The following VPS35L variants were observed in gnomAD, a reference collection of about 807,000 sequenced individuals.
VPS35L encodes VPS35 endosomal protein-sorting factor-like.
VPS35L carries 83 observed loss-of-function variants against 133.0 expected under a neutral mutation model. That is an observed-to-expected ratio of 0.62 (90% CI 0.52 to 0.75). The LOEUF (loss-of-function observed/expected upper bound fraction) is 0.75, where lower values mean the gene tolerates loss of function less well. VPS35L is among the 30% of genes least tolerant of loss of function. VPS35L has a pLI of 0.00. For missense variants in VPS35L, 1,083 were observed against 1,206.8 expected (o/e 0.90, Z 1.52); for synonymous variants, 423 against 449.9 (o/e 0.94, Z 0.76).
chr16:19,624,775 G>A (rs368712788), intron 14 of VPS35L, among the ~76,000 whole-genome samples: 1 of 152,090 alleles, frequency 6.6e-6, no homozygotes, highest in Admixed American at 6.5e-5. Flanking sequence ...CCACTTATTA[G>A]GAAGTGTCTT....
At chr16:19,667,870 AC>A (rs775329160) in intron 26 of VPS35L, among the ~76,000 whole-genome samples, 2 of 151,852 alleles carry the variant, frequency 1.3e-5, no homozygotes, top group African/African-American at 2.4e-5. Flanking sequence ...CCATGACAGT[AC>A]CCTGTTCACA....
intron 14 of VPS35L, among the ~76,000 whole-genome samples, chr16:19,620,020 A>G (rs909125049): frequency 1.3e-5 from 2 of 152,204 alleles, no homozygotes; most frequent in African/African-American, 4.8e-5. Context: ...AGAGAGGGAA[A>G]GGAGAAATAC....
Position 19,700,428 on chromosome 16 carries a change from T to G in VPS35L, c.2844T>G (p.Thr948=). Residue 948 remains threonine (T), a synonymous_variant, in exon 31 of 31, where the codon ACT becomes ACG. Coordinates refer to ENST00000417362, the MANE Select transcript of VPS35L (RefSeq NM_020314.7). ...AGCAAAGCAAACAACCAGACATGAC[T>G]CATCTGACGGAGCTGGCCCTCAGAC... The part of the protein sequence containing the change: ...IKKQSKQPDM[T]HLTELALRLP... The G allele has an allele frequency of 1.2e-6, 2 of 1,614,160 alleles. No individual in the cohort carries two copies. Among genetic ancestry groups the G allele is most frequent in the Non-Finnish European group, 1.7e-6 (2 of 1,180,024 alleles).
At chr16:19,557,910 G>A (rs1970912332) in intron 1 of VPS35L, among the ~76,000 whole-genome samples, 1 of 151,982 alleles carries the variant, frequency 6.6e-6, no homozygotes, top group South Asian at 2.1e-4. Flanking sequence ...AAGTAGCCAG[G>A]CATGACGGCA....
At chr16:19,568,374 A>G (rs1355458926) in intron 2 of VPS35L, among the ~76,000 whole-genome samples, 1 of 147,980 alleles carries the variant, frequency 6.8e-6, no homozygotes, top group Non-Finnish European at 1.5e-5. Flanking sequence ...TTCTCAGCTC[A>G]CTGCAACCTC....
chr16:19,693,933 AG>A (rs1292069676), intron 29 of VPS35L: 1 of 148,084 alleles, frequency 6.8e-6, no homozygotes, highest in Non-Finnish European at 1.5e-5. Context: ...TAGGCAACAG[AG>A]CAAGACCCTG....
Position 19,700,556 on chromosome 16 carries a change from C to T in VPS35L, c.*80C>T, listed in dbSNP as rs1437264671. On this transcript the variant is annotated 3_prime_UTR_variant, in exon 31 of 31. Coordinates refer to ENST00000417362, the MANE Select transcript of VPS35L (RefSeq NM_020314.7). ...GCTCTGCTGCCCTGAACTCTTACGG[C>T]AATTTAGGTTTCTCATTTTTCTTTT... 1.7e-6 allele frequency: 2 copies of T among 1,186,524 alleles called. No individual in the cohort carries two copies. The highest frequency in any genetic ancestry group is 2.5e-6 in the Non-Finnish European group (2 of 813,434). The allele number at this position is 1,186,524 out of a possible 1,614,324, so 73.5% of individuals were successfully genotyped here.
intron 12 of VPS35L, among the ~76,000 whole-genome samples, chr16:19,615,636 C>T (rs1188647428): frequency 6.7e-6 from 1 of 148,648 alleles, no homozygotes; most frequent in Non-Finnish European, 1.5e-5. Flanking sequence ...GGCAACAGAG[C>T]GAGACTCTGT....
intron 27 of VPS35L, among the ~76,000 whole-genome samples, chr16:19,673,560 T>G (rs1239965165): frequency 1.0e-5 from 1 of 95,274 alleles, no homozygotes; most frequent in Non-Finnish European, 2.8e-5. Flanking sequence ...ATTTATTCCT[T>G]GAACAGATTT....
intron 8 of VPS35L, among the ~76,000 whole-genome samples, chr16:19,594,627 G>A (rs1047711032): frequency 3.7e-5 from 4 of 107,004 alleles, no homozygotes; most frequent in Non-Finnish European, 6.8e-5. Flanking sequence ...CTGTGCCACA[G>A]AGCTGAGATT....
chr16:19,576,842 G>A (rs1795957823), intron 5 of VPS35L, among the ~76,000 whole-genome samples: 2 of 151,966 alleles, frequency 1.3e-5, no homozygotes, highest in African/African-American at 2.4e-5. Flanking sequence ...GAGTTACTGG[G>A]ACTATAGGTG....
At chr16:19,588,159 G>A (rs960196149) in intron 7 of VPS35L, among the ~76,000 whole-genome samples, 3 of 50,088 alleles carry the variant, frequency 6.0e-5, no homozygotes, top group Non-Finnish European at 1.0e-4. Context: ...GGTAATATAA[G>A]TATGTATGTA....
chr16:19,624,309 G>A (rs1029044722), intron 14 of VPS35L, among the ~76,000 whole-genome samples: 1 of 151,554 alleles, frequency 6.6e-6, no homozygotes, highest in African/African-American at 2.4e-5. Flanking sequence ...ATGACTGGGC[G>A]CGGTGGCTCA....
intron 8 of VPS35L, among the ~76,000 whole-genome samples, chr16:19,597,289 T>C (rs372005348): frequency 5.9e-4 from 90 of 151,916 alleles, no homozygotes; most frequent in Middle Eastern, 6.8e-3. Context: ...GCAGATTCCT[T>C]GAGCCCAAGA....
chr16:19,645,453 C>G (rs1403015910), intron 23 of VPS35L, among the ~76,000 whole-genome samples: 1 of 152,072 alleles, frequency 6.6e-6, no homozygotes, highest in African/African-American at 2.4e-5. Flanking sequence ...CCACGCCCGG[C>G]TAATTTTTTG....
chr16:19,565,518 A>AT lies in VPS35L; in HGVS notation c.117+576dup, dbSNP rs546384881. ...CCATCACGCTTGGCTAATTTTTGCT[A>AT]TTTTTTTTATTTTTAGTAGAGACAG... On this transcript the variant is annotated intron_variant, in intron 2 of 30. Coordinates refer to ENST00000417362, the MANE Select transcript of VPS35L (RefSeq NM_020314.7). Among the ~76,000 whole-genome samples, 882 of 149,936 alleles carry AT rather than the reference A, an allele frequency of 5.9e-3. 16 individuals carry two copies. The highest frequency in any genetic ancestry group is 0.021 in the African/African-American group (842 of 40,700).
At chr16:19,628,532 C>T in intron 16 of VPS35L, 105 bp from the exon 17 acceptor site, 1 of 593,544 alleles carries the variant, frequency 1.7e-6, no homozygotes, top group Admixed American at 2.6e-5. Flanking sequence ...AAGATTAGCC[C>T]CAAGAAGGAT....
chr16:19,602,101 G>GTCAAATA (rs1437465725), intron 9 of VPS35L, among the ~76,000 whole-genome samples: 1 of 152,136 alleles, frequency 6.6e-6, no homozygotes, highest in Non-Finnish European at 1.5e-5. Flanking sequence ...AAAGAATGAT[G>GTCAAATA]TCAAATAGAT....
At chr16:19,609,638 G>A (rs150467112) in intron 11 of VPS35L, among the ~76,000 whole-genome samples, 2 of 152,320 alleles carry the variant, frequency 1.3e-5, no homozygotes, top group Non-Finnish European at 2.9e-5. Context: ...ATGTTAGATA[G>A]CTAGATAATA....
Sources: gnomAD v4.1 joint callset for allele counts (sites outside exome capture counted in the v4.1 genomes callset) on GRCh38, gnomAD v4.1.1 for gene constraint, MANE v1.5 for transcripts, NCBI Gene and HGNC (gene_info 2026-07-23, HGNC 2026-07-21) for gene names.